NUDT3: variants seen among roughly 807,000 people sequenced by gnomAD.
NUDT3 encodes the protein nudix hydrolase 3.
A neutral mutation model predicts 23.6 loss-of-function variants in NUDT3; 9 were observed. The observed-to-expected ratio is 0.38, with a 90% confidence interval of 0.23 to 0.66. The LOEUF (loss-of-function observed/expected upper bound fraction) is 0.66, where lower values mean the gene tolerates loss of function less well. Ranked by LOEUF, NUDT3 falls within the 30% of genes least tolerant of loss-of-function variation. NUDT3 has a pLI of 0.52. For missense variants in NUDT3, 172 were observed against 218.5 expected (o/e 0.79, Z 1.34); for synonymous variants, 86 against 82.6 (o/e 1.04, Z -0.22).
intron 4 of NUDT3, among the ~76,000 whole-genome samples, chr6:34,292,865 C>T (rs748161285): frequency 9.9e-5 from 15 of 152,112 alleles, no homozygotes; most frequent in Non-Finnish European, 1.9e-4. Context: ...GAAGTATAGC[C>T]CTTTTGGCAA....
chr6:34,351,226 A>AAC (rs1554154786), intron 1 of NUDT3, among the ~76,000 whole-genome samples: 1 of 133,976 alleles, frequency 7.5e-6, no homozygotes, highest in African/African-American at 3.1e-5. Context: ...AAAAAAAAAA[A>AAC]CACTTTGGGA....
intron 2 of NUDT3, among the ~76,000 whole-genome samples, chr6:34,340,427 A>G (rs1764270798): frequency 6.6e-6 from 1 of 152,230 alleles, no homozygotes; most frequent in South Asian, 2.1e-4. Context: ...ATGATGGAGT[A>G]AAAAGGAAGA....
chr6:34,366,528 C>CAAGGG (rs1764737596), intron 1 of NUDT3, among the ~76,000 whole-genome samples: 1 of 75,766 alleles, frequency 1.3e-5, no homozygotes, highest in Non-Finnish European at 2.6e-5. Context: ...AAGGTAGTGC[C>CAAGGG]AGGGGCAGAG....
At chr6:34,357,626 C>CAAA (rs34996824) in intron 1 of NUDT3, among the ~76,000 whole-genome samples, 2 of 122,772 alleles carry the variant, frequency 1.6e-5, no homozygotes, top group African/African-American at 5.7e-5. Context: ...CTGCACCCTG[C>CAAA]AAAAAAAAAA....
Position 34,318,489 on chromosome 6 carries a change from T to C in NUDT3, c.211-22804A>G, listed in dbSNP as rs562765578. 2.6e-5 allele frequency among the ~76,000 whole-genome samples: 4 copies of C among 152,318 alleles called. No individual in the cohort carries two copies. The East Asian group carries it at 7.7e-4, about 29-fold the overall frequency. The stretch of plus-strand genomic sequence containing the variant: ...TACATTTTATTTTACCCAGATGGGA[T>C]CATGCTTGCCAACTAACCTTATCTT... On this transcript the variant is annotated intron_variant, in intron 2 of 4. Transcript: ENST00000607016.
chr6:34,375,355 A>T (rs902602933), intron 1 of NUDT3, among the ~76,000 whole-genome samples: 31 of 152,258 alleles, frequency 2.0e-4, no homozygotes, highest in Admixed American at 5.9e-4. Flanking sequence ...AAAAAAAATT[A>T]AAAAATAAAA....
intron 2 of NUDT3, among the ~76,000 whole-genome samples, chr6:34,314,936 A>G (rs1445412496): frequency 1.3e-5 from 2 of 152,224 alleles, no homozygotes; most frequent in African/African-American, 4.8e-5. Context: ...GTTAAACATC[A>G]GCACCAGGAT....
At chr6:34,293,727 T>C (rs1316439215) in intron 3 of NUDT3, among the ~76,000 whole-genome samples, 192 bp from the exon 4 acceptor site, 2 of 152,228 alleles carry the variant, frequency 1.3e-5, no homozygotes, top group African/African-American at 4.8e-5. Context: ...GTGTGCTCTT[T>C]GGCTGGACTT....
At chr6:34,313,951 G>C (rs1763819313) in intron 2 of NUDT3, among the ~76,000 whole-genome samples, 1 of 151,774 alleles carries the variant, frequency 6.6e-6, no homozygotes, top group African/African-American at 2.4e-5. Flanking sequence ...TACAAAATTA[G>C]CCAGGCGTGG....
chr6:34,382,177 A>C (rs906674123), intron 1 of NUDT3, among the ~76,000 whole-genome samples: 3 of 151,646 alleles, frequency 2.0e-5, no homozygotes, highest in Non-Finnish European at 4.4e-5. Context: ...AGGGAGGATC[A>C]CTTGAGCCAG....
At chr6:34,339,675 G>A (rs376589191) in intron 2 of NUDT3, among the ~76,000 whole-genome samples, 2 of 152,338 alleles carry the variant, frequency 1.3e-5, no homozygotes, top group Non-Finnish European at 1.5e-5. Flanking sequence ...ATTTGTTTAT[G>A]TATTGTACTG....
chr6:34,288,659 A>C lies in NUDT3; in HGVS notation c.*94T>G, dbSNP rs911910037. The C allele has an allele frequency of 6.8e-7, 1 of 1,467,718 alleles. No individual in the cohort carries two copies. The highest frequency in any genetic ancestry group is 2.4e-5 in the East Asian group (1 of 41,800). 90.9% of individuals were successfully genotyped at this position (1,467,718 alleles called of 1,614,324 possible). A position where few individuals can be genotyped will look rare whatever the true frequency, so the allele number is the denominator to read the frequency against. On this transcript the variant is annotated 3_prime_UTR_variant, in exon 5 of 5. Coordinates refer to ENST00000607016, the MANE Select transcript of NUDT3 (RefSeq NM_006703.4). ...CCCACCATGCCTTATTTGAAAGAGG[A>C]GGCCTGTGAGAAGTGGAAAGAGCCA...
At chr6:34,312,052 C>G (rs1446508989) in intron 2 of NUDT3, among the ~76,000 whole-genome samples, 1 of 152,010 alleles carries the variant, frequency 6.6e-6, no homozygotes, top group Non-Finnish European at 1.5e-5. Context: ...GGCAGAATAC[C>G]TGAAAGAAAA....
chr6:34,383,125 T>C (rs1765050056), intron 1 of NUDT3, among the ~76,000 whole-genome samples: 6 of 116,386 alleles, frequency 5.2e-5, no homozygotes, highest in East Asian at 2.5e-4. Flanking sequence ...AGACTCCATC[T>C]CAAAAAAAAA....
chr6:34,293,462 G>C lies in NUDT3; in HGVS notation c.329C>G (p.Ser110Ter). 6.2e-7 allele frequency: 1 copy of C among 1,614,142 alleles called. No individual in the cohort carries two copies. The highest frequency in any genetic ancestry group is 8.5e-7 in the Non-Finnish European group (1 of 1,180,006). Reference sequence around the variant, plus strand: ...TGGAGATGGCTTACCAATGTTAACTGAATCTTCCCAGTCTTCCAGCACTTC... The same window carrying C: ...TGGAGATGGCTTACCAATGTTAACTCAATCTTCCCAGTCTTCCAGCACTTC... The part of the protein sequence containing the change: ...VTEVLEDWED[S>*]VNIGRKREWF... Residue 110 changes from serine to a stop codon, truncating the protein, a stop_gained, in exon 4 of 5, where the codon TCA becomes TGA. Transcript: ENST00000607016. LOFTEE classifies it high-confidence loss of function.
At chr6:34,375,732 T>C (rs1764912152) in intron 1 of NUDT3, among the ~76,000 whole-genome samples, 1 of 152,220 alleles carries the variant, frequency 6.6e-6, no homozygotes. Flanking sequence ...GAAGAAAATG[T>C]GCTTCTTTCC....
chr6:34,373,474 T>C (rs946600160), intron 1 of NUDT3, among the ~76,000 whole-genome samples: 4 of 152,070 alleles, frequency 2.6e-5, no homozygotes, highest in African/African-American at 7.2e-5. Flanking sequence ...GAGCACCACG[T>C]AGGCACCACA....
rs183821949 is a variant in NUDT3, at chr6:34,294,510, T to C, written c.256-975A>G. 4.3e-3 allele frequency among the ~76,000 whole-genome samples: 661 copies of C among 151,994 alleles called. 2 individuals carry two copies. Among genetic ancestry groups the C allele is most frequent in the African/African-American group, 0.015 (627 of 41,530 alleles). ...GGGAGGCCAAGGTGGGTGGATCACC[T>C]GAGGTCAGGAGTTCCAGACCAGCCT... On this transcript the variant is annotated intron_variant, in intron 3 of 4. Coordinates refer to ENST00000607016, the MANE Select transcript of NUDT3 (RefSeq NM_006703.4).
intron 4 of NUDT3, among the ~76,000 whole-genome samples, chr6:34,293,179 C>G (rs1322177021): frequency 6.6e-6 from 1 of 152,196 alleles, no homozygotes; most frequent in Admixed American, 6.5e-5. Flanking sequence ...CTTCCTGCTT[C>G]AGCCTCCTGA....
Sources: gnomAD v4.1 joint callset for allele counts (sites outside exome capture counted in the v4.1 genomes callset) on GRCh38, gnomAD v4.1.1 for gene constraint, MANE v1.5 for transcripts, NCBI Gene and HGNC (gene_info 2026-07-23, HGNC 2026-07-21) for gene names.